The following COL4A5 variants were observed in gnomAD, a reference collection of about 807,000 sequenced individuals.
COL4A5 encodes collagen type IV alpha 5 chain.
Under a neutral mutation model 130.2 loss-of-function variants are expected in COL4A5, and 26 were observed. That is an observed-to-expected ratio of 0.20 (90% CI 0.15 to 0.28). The LOEUF is 0.28. Among genes scored for constraint, COL4A5 ranks in the 10% least tolerant of loss-of-function variants. The pLI is 1.00. For missense variants in COL4A5, 1,131 were observed against 1,344.3 expected (o/e 0.84, Z 2.48); for synonymous variants, 496 against 439.6 (o/e 1.13, Z -1.60).
rs778696514 is a variant in COL4A5 at position 108,568,722 on chromosome X, A to G, written c.322-37A>G. 4.2e-6 allele frequency: 5 copies of G among 1,201,718 alleles called. No individual in the cohort carries two copies. In the South Asian group the frequency reaches 8.8e-5, roughly 21 times the overall value. ...TTTGAAATCTCTTGAAAAGTAATCT[A>G]AGACATATTATACATGTGTTATGTC... is the stretch of plus-strand genomic sequence containing the variant. On this transcript the variant is annotated intron_variant, in intron 5 of 52. Transcript: ENST00000328300.
At chrX:108,531,900 A>G (rs944391525) in intron 1 of COL4A5, among the ~76,000 whole-genome samples, 1 of 111,626 alleles carries the variant, frequency 9.0e-6, no homozygotes, top group African/African-American at 3.2e-5. Context: ...GAAATAGAAA[A>G]CCTGAACAGA....
intron 1 of COL4A5, among the ~76,000 whole-genome samples, chrX:108,485,817 G>A (rs980577077): frequency 3.6e-5 from 4 of 110,878 alleles, no homozygotes; most frequent in African/African-American, 1.3e-4. Context: ...TGCACCAACT[G>A]GTGTCTCAGT....
intron 25 of COL4A5, among the ~76,000 whole-genome samples, chrX:108,600,247 A>G (rs183140380): frequency 7.2e-5 from 8 of 111,702 alleles, no homozygotes; most frequent in Admixed American, 4.7e-4. Flanking sequence ...TTAGTTACCT[A>G]TGTATTTTGC....
chrX:108,666,668 A>G, intron 39 of COL4A5, 74 bp downstream of exon 39: 1 of 849,587 alleles, frequency 1.2e-6, no homozygotes, highest in South Asian at 2.2e-5. Context: ...TTTATTACCC[A>G]CAGTGAAATT....
intron 1 of COL4A5, among the ~76,000 whole-genome samples, chrX:108,475,317 C>T (rs755448411): frequency 9.0e-6 from 1 of 110,763 alleles, no homozygotes; most frequent in Non-Finnish European, 1.9e-5. Flanking sequence ...TAGTAGTATT[C>T]GTAGCTTTTT....
chrX:108,469,169 C>T lies in COL4A5; in HGVS notation c.81+28963C>T, dbSNP rs79921592. 8.9e-3 allele frequency among the ~76,000 whole-genome samples: 688 copies of T among 77,621 alleles called. 16 individuals are homozygous for T. The highest frequency in any genetic ancestry group is 0.029 in the African/African-American group (609 of 20,898). 67.4% of individuals were successfully genotyped at this position (77,621 alleles called of 115,157 possible). A position where few individuals can be genotyped will look rare whatever the true frequency, so the allele number is the denominator to read the frequency against. On this transcript the variant is annotated intron_variant, in intron 1 of 52. Transcript: ENST00000328300. ...TTCATAGTATTTTCTCTCTCTCTCT[C>T]TTTTTTTTTTTTTTTTTTGAAACGG... is the stretch of plus-strand genomic sequence containing the variant.
intron 1 of COL4A5, among the ~76,000 whole-genome samples, chrX:108,457,055 G>T (rs2064591994): frequency 9.0e-6 from 1 of 111,496 alleles, no homozygotes; most frequent in Non-Finnish European, 1.9e-5. Flanking sequence ...GGGACCCAGG[G>T]GTTTGGGGGA....
chrX:108,441,338 C>A (rs1378776672), intron 1 of COL4A5, among the ~76,000 whole-genome samples: 1 of 112,181 alleles, frequency 8.9e-6, no homozygotes, highest in Non-Finnish European at 1.9e-5. Flanking sequence ...GAGTGACCGT[C>A]AATTCTTTGT....
chrX:108,532,671 G>C (rs910232577), intron 1 of COL4A5, among the ~76,000 whole-genome samples: 6 of 110,960 alleles, frequency 5.4e-5, no homozygotes, highest in Admixed American at 9.6e-5. Flanking sequence ...ATCTAGAGAA[G>C]CTTAAAGAAT....
At chrX:108,632,045 T>C (rs2067270756) in intron 36 of COL4A5, among the ~76,000 whole-genome samples, 1 of 110,806 alleles carries the variant, frequency 9.0e-6, no homozygotes, top group Admixed American at 9.6e-5. Flanking sequence ...AGGAGCTGGC[T>C]TTTTGAAAAC....
At chrX:108,527,780 C>T (rs1244989023) in intron 1 of COL4A5, among the ~76,000 whole-genome samples, 2 of 111,872 alleles carry the variant, frequency 1.8e-5, no homozygotes, top group Admixed American at 1.9e-4. Flanking sequence ...CACCGTGGGC[C>T]CCAGTCCTCC....
At chrX:108,472,548 G>A (rs1214780924) in intron 1 of COL4A5, among the ~76,000 whole-genome samples, 4 of 111,608 alleles carry the variant, frequency 3.6e-5, no homozygotes, top group African/African-American at 6.5e-5. Flanking sequence ...ATATGTTGAC[G>A]AATTTACACT....
intron 4 of COL4A5, 69 bp from the exon 5 acceptor site, chrX:108,568,560 C>G: frequency 1.3e-6 from 1 of 745,626 alleles, no homozygotes; most frequent in Non-Finnish European, 2.1e-6. Context: ...TTCATAATAT[C>G]CTTAGGTAGG....
chrX:108,670,712 G>A (rs1409646997), intron 42 of COL4A5: 3 of 326,910 alleles, frequency 9.2e-6, no homozygotes, highest in African/African-American at 8.0e-5. Flanking sequence ...CACATTTTGG[G>A]TTGTCACAAA....
At position 108,596,933 on chromosome X, in the gene COL4A5, G is replaced by A. The variant is rs931330841; in HGVS notation, c.1517-65G>A. On this transcript the variant is annotated intron_variant, in intron 22 of 52. Coordinates refer to ENST00000328300, the MANE Select transcript of COL4A5 (RefSeq NM_033380.3). The stretch of plus-strand genomic sequence containing the variant: ...GATGATTTCTGTATGAGCTTTGTCA[G>A]GAGTTCAAGCTCAAAGCTTACGTTA... 27 of 1,060,125 alleles carry A rather than the reference G, an allele frequency of 2.5e-5. No homozygotes were observed. The East Asian group carries it at 7.9e-4, about 31-fold the overall frequency. The allele number at this position is 1,060,125 out of a possible 1,213,427, so 87.4% of individuals were successfully genotyped here.
chrX:108,646,867 G>C (rs1288461626), intron 36 of COL4A5, among the ~76,000 whole-genome samples: 12 of 109,995 alleles, frequency 1.1e-4, no homozygotes, highest in African/African-American at 4.0e-4. Context: ...TTTTTGTCAG[G>C]TTTGTCAAAG....
At chrX:108,444,645 T>C (rs1461380364) in intron 1 of COL4A5, among the ~76,000 whole-genome samples, 2 of 112,183 alleles carry the variant, frequency 1.8e-5, no homozygotes, top group African/African-American at 3.2e-5. Flanking sequence ...GCATGCTTAT[T>C]GCTACTGAGG....
intron 28 of COL4A5, 120 bp from the exon 29 acceptor site, chrX:108,606,622 C>A (rs2066731731): frequency 1.3e-6 from 1 of 754,208 alleles, no homozygotes; most frequent in Non-Finnish European, 2.1e-6. Flanking sequence ...ATCTTCTCCT[C>A]TCCCCCCATG....
chrX:108,590,769 C>T (rs919324376), intron 19 of COL4A5, among the ~76,000 whole-genome samples: 5 of 111,450 alleles, frequency 4.5e-5, no homozygotes, highest in Non-Finnish European at 7.5e-5. Flanking sequence ...TTGCTAATGA[C>T]TTTCCGGTAT....
Sources: gnomAD v4.1 joint callset for allele counts (sites outside exome capture counted in the v4.1 genomes callset) on GRCh38, gnomAD v4.1.1 for gene constraint, MANE v1.5 for transcripts, NCBI Gene and HGNC (gene_info 2026-07-23, HGNC 2026-07-21) for gene names.